The following SPICE1 variants were observed in gnomAD, a reference collection of about 807,000 sequenced individuals.
SPICE1 encodes spindle and centriole associated protein 1.
A neutral mutation model predicts 102.7 loss-of-function variants in SPICE1; 75 were observed. That is an observed-to-expected ratio of 0.73 (90% CI 0.61 to 0.88). SPICE1 has a LOEUF of 0.88. Ranked by LOEUF, SPICE1 falls within the 40% of genes least tolerant of loss-of-function variation. The pLI is 0.00. For missense variants in SPICE1, 979 were observed against 1,020.1 expected (o/e 0.96, Z 0.55); for synonymous variants, 308 against 350.3 (o/e 0.88, Z 1.35).
In SPICE1 at chr3:113,499,471, G is replaced by T. The variant is rs1327793621; in HGVS notation, c.259C>A (p.Leu87Ile). 6.2e-7 allele frequency: 1 copy of T among 1,613,096 alleles called. No homozygotes were observed. The highest frequency in any genetic ancestry group is 1.7e-5 in the Admixed American group (1 of 59,966). ...WRKQKPETLN[L>I]EKRRLSIMKE... ...ATGATAGACAATCTTCTTTTCTCAA[G>T]ATTTAAAGTTTCTGGTTTCTGCTTC... Residue 87 changes from leucine (L) to isoleucine (I), a missense_variant, in exon 4 of 18, where the codon CTT (leucine) becomes ATT (isoleucine). Coordinates refer to ENST00000295872, the MANE Select transcript of SPICE1 (RefSeq NM_144718.4).
chr3:113,513,918 C>T (rs1219859578), intron 1 of SPICE1, among the ~76,000 whole-genome samples: 2 of 152,062 alleles, frequency 1.3e-5, no homozygotes, highest in African/African-American at 4.8e-5. Context: ...CTAAGAGGAC[C>T]GCAATTAAAC....
At chr3:113,514,538 C>T (rs932620830) in intron 1 of SPICE1, 1 of 414,332 alleles carries the variant, frequency 2.4e-6, no homozygotes, top group Non-Finnish European at 4.8e-6. Flanking sequence ...CCCGCAAATC[C>T]TAAAACCAAG....
At chr3:113,467,176 C>A (rs1415524391) in intron 10 of SPICE1, among the ~76,000 whole-genome samples, 2 of 152,198 alleles carry the variant, frequency 1.3e-5, no homozygotes, top group Non-Finnish European at 2.9e-5. Context: ...ATTTGTATAA[C>A]AGGCTTAAGT....
chr3:113,513,574 A>G (rs1937260964), intron 1 of SPICE1, among the ~76,000 whole-genome samples: 1 of 152,190 alleles, frequency 6.6e-6, no homozygotes, highest in African/African-American at 2.4e-5. Context: ...CTCGATAAAT[A>G]TGTTCAATTA....
At chr3:113,449,819 T>C (rs570810489) in intron 15 of SPICE1, 52 of 155,348 alleles carry the variant, frequency 3.3e-4, no homozygotes, top group African/African-American at 1.1e-3. Flanking sequence ...ACTTGATACA[T>C]ACTTCGTTTC....
chr3:113,465,844 T>A, intron 10 of SPICE1, 60 bp from the exon 11 acceptor site: 1 of 1,555,214 alleles, frequency 6.4e-7, no homozygotes, highest in South Asian at 1.2e-5. Flanking sequence ...AACTAAAAGT[T>A]TGCACTCAAA....
intron 7 of SPICE1, among the ~76,000 whole-genome samples, chr3:113,483,076 TTCCTTGAGCAGTGGCTTGTAGTTC>T (rs1936551626): frequency 6.6e-6 from 1 of 152,314 alleles, no homozygotes; most frequent in South Asian, 2.1e-4. Context: ...CGTCTCTTAT[TTCCTTGAGCAGTGGCTTGTAGTTC>T]TCCTTGAAGA....
At chr3:113,466,849 C>A (rs1191784556) in intron 10 of SPICE1, among the ~76,000 whole-genome samples, 1 of 152,126 alleles carries the variant, frequency 6.6e-6, no homozygotes, top group Non-Finnish European at 1.5e-5. Context: ...GATTTCGAGA[C>A]CAGCCTGGGC....
intron 3 of SPICE1, among the ~76,000 whole-genome samples, chr3:113,501,151 T>C (rs1937000002): frequency 6.6e-6 from 1 of 152,164 alleles, no homozygotes; most frequent in Non-Finnish European, 1.5e-5. Context: ...CCAAGATCAT[T>C]CAATGGGGAA....
In SPICE1 at chr3:113,450,374, G is replaced by T. The variant is rs751745421; in HGVS notation, c.2285C>A (p.Pro762Gln). Residue 762 changes from proline to glutamine, a missense_variant, in exon 15 of 18, where the codon CCA becomes CAA. Pro to Gln is a moderately conservative substitution (Grantham distance 76). Transcript: ENST00000295872. ...GAGAGGTAACTGAACAGGTGACATTGGTGGAGAAAGATTCAAACCAACAAG... is the reference window on the plus strand; with the variant it reads ...GAGAGGTAACTGAACAGGTGACATTTGTGGAGAAAGATTCAAACCAACAAG... ...QKLVGLNLSPPMSPVQLPLRA... is the reference protein window; with the variant it reads ...QKLVGLNLSPQMSPVQLPLRA... The T allele has an allele frequency of 6.2e-7, 1 of 1,614,074 alleles. No homozygotes were observed. The highest frequency in any genetic ancestry group is 1.7e-5 in the Admixed American group (1 of 60,004).
chr3:113,450,300 T>C (rs1935615206), intron 15 of SPICE1, 36 bp downstream of exon 15: 10 of 1,611,054 alleles, frequency 6.2e-6, no homozygotes, highest in African/African-American at 1.3e-5. Context: ...AAAACCTTCA[T>C]ATTTCTAGTT....
intron 7 of SPICE1, among the ~76,000 whole-genome samples, chr3:113,484,801 G>C (rs1936605467): frequency 6.6e-6 from 1 of 151,204 alleles, no homozygotes; most frequent in Non-Finnish European, 1.5e-5. Context: ...CTCAATTTCA[G>C]AAAAAGTACG....
chr3:113,467,058 A>G (rs1373435258), intron 10 of SPICE1, among the ~76,000 whole-genome samples: 2 of 152,194 alleles, frequency 1.3e-5, no homozygotes, highest in East Asian at 3.9e-4. Context: ...TCTCAAAAAA[A>G]AAGCAATTCA....
chr3:113,458,412 C>A lies in SPICE1; in HGVS notation c.1436-1055G>T, dbSNP rs537427022. 4.1e-4 allele frequency among the ~76,000 whole-genome samples: 63 copies of A among 152,356 alleles called. 2 individuals carry two copies. In the South Asian group the frequency reaches 9.5e-3, roughly 23 times the overall value. On this transcript the variant is annotated intron_variant, in intron 12 of 17. Transcript: ENST00000295872. ...ATTTTTTGGTGGAGACGGGGTTTCG[C>A]CGTGTTGGCCGGGCTGGTCTCCAGC... is the stretch of plus-strand genomic sequence containing the variant.
intron 16 of SPICE1, 108 bp from the exon 17 acceptor site, chr3:113,446,784 T>C (rs774390087): frequency 7.2e-5 from 63 of 873,812 alleles, no homozygotes; most frequent in Non-Finnish European, 1.1e-4. Context: ...CTTGAAAACA[T>C]ATGGCTAACT....
Position 113,486,210 on chromosome 3 carries a change from C to CATATATATATATATATATATAT in SPICE1, c.611+2713_611+2734dup, listed in dbSNP as rs60309507. Among the ~76,000 whole-genome samples, 343 of 140,912 alleles carry CATATATATATATATATATATAT rather than the reference C, an allele frequency of 2.4e-3. 1 individual carries two copies. Among genetic ancestry groups the CATATATATATATATATATATAT allele is most frequent in the East Asian group, 5.7e-3 (27 of 4,720 alleles). 92.4% of individuals were successfully genotyped at this position (140,912 alleles called of 152,430 possible). A position where few individuals can be genotyped will look rare whatever the true frequency, so the allele number is the denominator to read the frequency against. On this transcript the variant is annotated intron_variant, in intron 7 of 17. Coordinates refer to ENST00000295872, the MANE Select transcript of SPICE1 (RefSeq NM_144718.4). Reference sequence around the variant, plus strand: ...ATACTGTAGTTTATTTGACCATTCTCATATATATATATATATATATATGCC... The same window carrying CATATATATATATATATATATAT: ...ATACTGTAGTTTATTTGACCATTCTCATATATATATATATATATATATATATATATATATATATATATATGCC...
chr3:113,443,438 A>G lies in SPICE1; in HGVS notation c.*1869T>C, dbSNP rs1050299697. 1 of 152,210 alleles carries G rather than the reference A, an allele frequency of 6.6e-6. No individual in the cohort carries two copies. The highest frequency in any genetic ancestry group is 1.5e-5 in the Non-Finnish European group (1 of 68,034). 9.4% of individuals were successfully genotyped at this position (152,210 alleles called of 1,614,324 possible). A position where few individuals can be genotyped will look rare whatever the true frequency, so the allele number is the denominator to read the frequency against. ...CTTACAAGCACTCTGTCATTAGACA[A>G]CTTTCTTCACCTCTAGGGCTCAGCA... On this transcript the variant is annotated 3_prime_UTR_variant, in exon 18 of 18. Transcript: ENST00000295872.
intron 7 of SPICE1, among the ~76,000 whole-genome samples, 182 bp from the exon 8 acceptor site, chr3:113,469,420 T>C (rs1178762169): frequency 6.8e-6 from 1 of 146,560 alleles, no homozygotes; most frequent in Non-Finnish European, 1.5e-5. Flanking sequence ...TTAATTATAA[T>C]TTATAATTAA....
Position 113,448,025 on chromosome 3 carries a change from C to A in SPICE1, c.2426+13G>T. 1 of 1,571,820 alleles carries A rather than the reference C, an allele frequency of 6.4e-7. No individual in the cohort carries two copies. Among genetic ancestry groups the A allele is most frequent in the Non-Finnish European group, 8.6e-7 (1 of 1,162,348 alleles). On this transcript the variant is annotated intron_variant, in intron 16 of 17. Coordinates refer to ENST00000295872, the MANE Select transcript of SPICE1 (RefSeq NM_144718.4). ...ATTTTTTTTTTTAAATAAATATTCA[C>A]ACTGCAACTTACCTTCTTGTATTTA...
Sources: gnomAD v4.1 joint callset for allele counts (sites outside exome capture counted in the v4.1 genomes callset) on GRCh38, gnomAD v4.1.1 for gene constraint, MANE v1.5 for transcripts, NCBI Gene and HGNC (gene_info 2026-07-23, HGNC 2026-07-21) for gene names.